The following MPP7 variants were observed in gnomAD, a reference collection of about 807,000 sequenced individuals.
The protein encoded by MPP7 is MAGUK p55 scaffold protein 7.
A neutral mutation model predicts 76.5 loss-of-function variants in MPP7; 60 were observed. The ratio of observed to expected loss-of-function variants is 0.78; its 90% CI spans 0.64 to 0.97. The LOEUF (loss-of-function observed/expected upper bound fraction) is 0.97, where lower values mean the gene tolerates loss of function less well. Ranked by LOEUF, MPP7 falls within the 50% of genes least tolerant of loss-of-function variation. The pLI is 0.00. For synonymous variants in MPP7, 237 were observed against 244.5 expected, an observed-to-expected ratio of 0.97 and a Z score of 0.29; for missense variants, 641 against 694.0, an observed-to-expected ratio of 0.92 and a Z score of 0.86.
intron 1 of MPP7, among the ~76,000 whole-genome samples, chr10:28,298,156 T>C (rs967424279): frequency 5.3e-5 from 8 of 152,248 alleles, no homozygotes; most frequent in African/African-American, 1.7e-4. Context: ...TGGTGACATT[T>C]TGACCTCCTC....
chr10:28,157,407 G>C (rs1247260861), intron 3 of MPP7, among the ~76,000 whole-genome samples: 1 of 152,178 alleles, frequency 6.6e-6, no homozygotes, highest in African/African-American at 2.4e-5. Flanking sequence ...GATGAGCTAG[G>C]ATCTGGTTAG....
intron 12 of MPP7, among the ~76,000 whole-genome samples, chr10:28,088,076 C>T (rs1280405581): frequency 4.6e-5 from 7 of 152,182 alleles, no homozygotes; most frequent in Admixed American, 2.0e-4. Context: ...CTAGTGTTCA[C>T]TTCCAGGACC....
chr10:28,092,337 T>G (rs537639922), intron 11 of MPP7, among the ~76,000 whole-genome samples: 27 of 152,220 alleles, frequency 1.8e-4, no homozygotes, highest in African/African-American at 6.5e-4. Context: ...GAGAAGAGAA[T>G]AGGACAAGTT....
intron 13 of MPP7, among the ~76,000 whole-genome samples, chr10:28,065,349 T>C (rs895465738): frequency 3.9e-5 from 6 of 152,214 alleles, no homozygotes; most frequent in African/African-American, 1.2e-4. Flanking sequence ...GTAATGTGTC[T>C]ACAACCAAAT....
rs749658266 is a variant in MPP7, at chr10:28,089,806, C to G, written c.988G>C (p.Asp330His). The change falls in exon 12 of 17, where the codon GAT becomes CAT. Residue 330 changes from aspartate (D) to histidine (H), a missense_variant. By Grantham distance (81) the Asp-to-His change is moderately conservative. Coordinates refer to ENST00000683449, the MANE Select transcript of MPP7 (RefSeq NM_001318170.2). ...FRKSFRLSRKDKKTNKSMYEC... is the reference protein window; with the variant it reads ...FRKSFRLSRKHKKTNKSMYEC... Reference sequence around the variant, plus strand: ...TACATGGATTTATTTGTTTTCTTATCTTTTCTACTAAGACGAAAACTTTTT... The same window carrying G: ...TACATGGATTTATTTGTTTTCTTATGTTTTCTACTAAGACGAAAACTTTTT... 6.3e-7 allele frequency: 1 copy of G among 1,587,600 alleles called. No homozygotes were observed. The highest frequency in any genetic ancestry group is 1.1e-5 in the South Asian group (1 of 88,958).
chr10:28,155,668 C>G (rs955264155), intron 3 of MPP7, among the ~76,000 whole-genome samples: 1 of 151,596 alleles, frequency 6.6e-6, no homozygotes, highest in South Asian at 2.1e-4. Flanking sequence ...TTGTGCTTCA[C>G]TCCATTTTCC....
chr10:28,125,233 A>ATTTT (rs1564644745), intron 6 of MPP7, 142 bp from the exon 7 acceptor site: 16 of 669,246 alleles, frequency 2.4e-5, no homozygotes, highest in Non-Finnish European at 3.9e-5. Context: ...AAAAATAGAC[A>ATTTT]TCATGCCATT....
At chr10:28,244,654 A>C (rs2132798038) in intron 1 of MPP7, among the ~76,000 whole-genome samples, 1 of 152,276 alleles carries the variant, frequency 6.6e-6, no homozygotes, top group Non-Finnish European at 1.5e-5. Flanking sequence ...CACTAAAAGA[A>C]TCCTATAAAC....
intron 3 of MPP7, among the ~76,000 whole-genome samples, chr10:28,162,422 A>C (rs962471232): frequency 1.3e-5 from 2 of 152,218 alleles, no homozygotes; most frequent in Non-Finnish European, 2.9e-5. Flanking sequence ...TATTTCTAAA[A>C]AAATACAAAG....
At chr10:28,172,743 T>C (rs1380188222) in intron 3 of MPP7, among the ~76,000 whole-genome samples, 2 of 152,238 alleles carry the variant, frequency 1.3e-5, no homozygotes, top group African/African-American at 4.8e-5. Context: ...TGTATCTAAT[T>C]ACACATTTGC....
chr10:28,147,704 C>T lies in MPP7; in HGVS notation c.235-141G>A, dbSNP rs901061215. 6.4e-5 allele frequency: 45 copies of T among 706,992 alleles called. 1 individual carries two copies. The South Asian group carries it at 7.2e-4, about 11-fold the overall frequency. 43.8% of individuals were successfully genotyped at this position (706,992 alleles called of 1,614,324 possible). A position where few individuals can be genotyped will look rare whatever the true frequency, so the allele number is the denominator to read the frequency against. ...GAGGTCAGCATAAAAGAAAACAGAT[C>T]ATCAATCATTGCTCTTCTTTTTAGA... On this transcript the variant is annotated intron_variant, in intron 4 of 16. Coordinates refer to ENST00000683449, the MANE Select transcript of MPP7 (RefSeq NM_001318170.2).
In MPP7 at chr10:28,069,784, C is replaced by T. The variant is rs773981675; in HGVS notation, c.1192G>A (p.Val398Met). 17 of 1,613,710 alleles carry T rather than the reference C, an allele frequency of 1.1e-5. No homozygotes were observed. The highest frequency in any genetic ancestry group is 5.3e-5 in the African/African-American group (4 of 74,882). ...GCGCAGAACTCACGGGGCACTGTCA[C>T]GCCATAGTGCTGGGTGTCACTGATC... Reference protein sequence around the residue: ...LLISDTQHYGVTVPHTTRARR... With the variant: ...LLISDTQHYGMTVPHTTRARR... Residue 398 changes from valine to methionine, a missense_variant, in exon 13 of 17, where the codon GTG (valine) becomes ATG (methionine). Physicochemically the swap from Val to Met is conservative, Grantham distance 21. Coordinates refer to ENST00000683449, the MANE Select transcript of MPP7 (RefSeq NM_001318170.2).
At chr10:28,218,299 T>C (rs754199692) in intron 2 of MPP7, among the ~76,000 whole-genome samples, 12 of 152,012 alleles carry the variant, frequency 7.9e-5, no homozygotes, top group Non-Finnish European at 1.6e-4. Flanking sequence ...GCAAAGGGAT[T>C]TAGTCGTAGA....
intron 1 of MPP7, among the ~76,000 whole-genome samples, chr10:28,261,439 C>A (rs933160508): frequency 6.6e-6 from 1 of 152,188 alleles, no homozygotes; most frequent in Admixed American, 6.5e-5. Flanking sequence ...AAGATTTAAG[C>A]GAGGCAAACC....
At chr10:28,165,273 C>A (rs555208591) in intron 3 of MPP7, among the ~76,000 whole-genome samples, 1 of 152,098 alleles carries the variant, frequency 6.6e-6, no homozygotes, top group Non-Finnish European at 1.5e-5. Context: ...CTCCTATACT[C>A]CCAGAGCTTG....
chr10:28,060,878 T>G (rs1046327119), intron 13 of MPP7, among the ~76,000 whole-genome samples: 5 of 152,228 alleles, frequency 3.3e-5, no homozygotes, highest in African/African-American at 1.2e-4. Context: ...GGTTTCAGCC[T>G]AACCCCTGAA....
intron 6 of MPP7, among the ~76,000 whole-genome samples, chr10:28,129,461 A>G (rs898832195): frequency 6.6e-6 from 1 of 152,070 alleles, no homozygotes; most frequent in Non-Finnish European, 1.5e-5. Context: ...TTACTGGGTT[A>G]TCATGATTTC....
intron 3 of MPP7, among the ~76,000 whole-genome samples, chr10:28,199,788 T>G (rs992264133): frequency 4.6e-5 from 7 of 151,966 alleles, no homozygotes; most frequent in East Asian, 1.9e-4. Context: ...TAATTTTTTT[T>G]TGAGAGAGAG....
intron 1 of MPP7, among the ~76,000 whole-genome samples, chr10:28,242,258 T>C (rs2132777562): frequency 1.3e-5 from 2 of 152,314 alleles, no homozygotes; most frequent in Non-Finnish European, 2.9e-5. Flanking sequence ...TGCTCAGAAA[T>C]CCAACTGTAG....
Sources: gnomAD v4.1 joint callset for allele counts (sites outside exome capture counted in the v4.1 genomes callset) on GRCh38, gnomAD v4.1.1 for gene constraint, MANE v1.5 for transcripts, NCBI Gene and HGNC (gene_info 2026-07-23, HGNC 2026-07-21) for gene names.